CD226: variants seen among roughly 807,000 people sequenced by gnomAD.
CD226 encodes the protein CD226 antigen.
CD226 carries 24 observed loss-of-function variants against 34.9 expected under a neutral mutation model. The observed-to-expected ratio is 0.69, with a 90% CI of 0.50 to 0.97. CD226 has a LOEUF of 0.97. Ranked by LOEUF, CD226 falls within the 50% of genes least tolerant of loss-of-function variation. The pLI, the probability that CD226 is intolerant of heterozygous loss-of-function variation, is 0.00. For synonymous variants in CD226, 148 were observed against 147.4 expected (o/e 1.00, Z -0.03); for missense variants, 397 against 412.7 (o/e 0.96, Z 0.33).
chr18:69,881,016 T>C (rs560107206), intron 3 of CD226, among the ~76,000 whole-genome samples: 14 of 152,320 alleles, frequency 9.2e-5, no homozygotes, highest in Non-Finnish European at 2.1e-4. Flanking sequence ...TCAAAGTGAC[T>C]GAGTAAATTT....
chr18:69,871,209 T>C (rs1005729197), intron 4 of CD226, among the ~76,000 whole-genome samples: 7 of 152,232 alleles, frequency 4.6e-5, no homozygotes. Flanking sequence ...CTGCCATCTC[T>C]GCCCCCAGGA....
chr18:69,906,735 A>C (rs1356459021), intron 2 of CD226, among the ~76,000 whole-genome samples: 2 of 152,204 alleles, frequency 1.3e-5, no homozygotes, highest in Non-Finnish European at 2.9e-5. Context: ...GACGAATGGG[A>C]AGAACTGAAA....
chr18:69,875,230 C>A (rs1046443215), intron 3 of CD226, among the ~76,000 whole-genome samples: 2 of 152,296 alleles, frequency 1.3e-5, no homozygotes, highest in African/African-American at 4.8e-5. Context: ...GCTCCACTTC[C>A]CAGGTTCAAG....
intron 2 of CD226, among the ~76,000 whole-genome samples, chr18:69,938,282 C>A (rs1599025594): frequency 6.6e-6 from 1 of 152,190 alleles, no homozygotes; most frequent in Non-Finnish European, 1.5e-5. Context: ...CACCTGTTCA[C>A]TTTCCTCTCC....
chr18:69,890,689 TGTGA>T (rs1359702078), intron 3 of CD226, among the ~76,000 whole-genome samples: 1 of 152,000 alleles, frequency 6.6e-6, no homozygotes, highest in African/African-American at 2.4e-5. Context: ...AGTAGGAAAG[TGTGA>T]GTGTTTTGAG....
intron 3 of CD226, among the ~76,000 whole-genome samples, chr18:69,880,031 T>C (rs1425177687): frequency 3.3e-5 from 5 of 152,204 alleles, no homozygotes; most frequent in Non-Finnish European, 7.3e-5. Context: ...ATCTGGACAG[T>C]CGAACATGTT....
chr18:69,870,271 C>CG (rs909847027), intron 4 of CD226, among the ~76,000 whole-genome samples: 2 of 141,782 alleles, frequency 1.4e-5, no homozygotes, highest in African/African-American at 5.1e-5. Flanking sequence ...TTTGGCTCCC[C>CG]CTTTTTTTTT....
intron 3 of CD226, among the ~76,000 whole-genome samples, chr18:69,883,376 G>A (rs79458054): frequency 2.8e-4 from 42 of 152,094 alleles, no homozygotes; most frequent in Non-Finnish European, 4.9e-4. Flanking sequence ...GTGAGCGAGG[G>A]GACCAAATTC....
intron 5 of CD226, among the ~76,000 whole-genome samples, chr18:69,866,508 T>C (rs1480836502): frequency 6.6e-6 from 1 of 152,194 alleles, no homozygotes; most frequent in Non-Finnish European, 1.5e-5. Flanking sequence ...AAAAGTTCTT[T>C]GGTTGTATAA....
rs143165477 is a variant in CD226, at chr18:69,910,893, G to A, written c.383-14848C>T. Among the ~76,000 whole-genome samples the A allele has an allele frequency of 1.3e-3, 193 of 152,280 alleles. 1 individual carries two copies. The highest frequency in any genetic ancestry group is 4.3e-3 in the African/African-American group (178 of 41,546). On this transcript the variant is annotated intron_variant, in intron 2 of 5. Transcript: ENST00000582621. ...AAAGAAACACAAGACAGATGGTAGA[G>A]CAGAAGGAATGTTTTTGCAACACCA...
intron 4 of CD226, among the ~76,000 whole-genome samples, chr18:69,870,926 G>A (rs556852230): frequency 2.6e-5 from 4 of 152,284 alleles, no homozygotes; most frequent in African/African-American, 4.8e-5. Flanking sequence ...TACTAGTGAC[G>A]AGGCAGAAGG....
intron 1 of CD226, among the ~76,000 whole-genome samples, chr18:69,953,837 T>A (rs1352679273): frequency 6.6e-6 from 1 of 151,940 alleles, no homozygotes; most frequent in Non-Finnish European, 1.5e-5. Context: ...CCGACTCTAC[T>A]AAAAATACAA....
At chr18:69,938,686 T>C (rs1160547539) in intron 2 of CD226, among the ~76,000 whole-genome samples, 1 of 152,250 alleles carries the variant, frequency 6.6e-6, no homozygotes, top group Non-Finnish European at 1.5e-5. Context: ...TGCTGAAACT[T>C]ACCTCTACCT....
chr18:69,880,653 CTTTT>C (rs33978545), intron 3 of CD226, among the ~76,000 whole-genome samples: 2 of 138,318 alleles, frequency 1.4e-5, no homozygotes. Context: ...CTTAAGATTT[CTTTT>C]TTTTTTTTTT....
Position 69,921,901 on chromosome 18 carries a change from T to G in CD226, c.382+24833A>C, listed in dbSNP as rs534675690. ...TTTTTTAATTTGAATTTTTGTTTCTTTGTTTCTTTTGGTAGAAATTAAAAA... is the reference window on the plus strand; with the variant it reads ...TTTTTTAATTTGAATTTTTGTTTCTGTGTTTCTTTTGGTAGAAATTAAAAA... On this transcript the variant is annotated intron_variant, in intron 2 of 5. Coordinates refer to ENST00000582621, the MANE Select transcript of CD226 (RefSeq NM_001303618.2). 2.0e-5 allele frequency among the ~76,000 whole-genome samples: 3 copies of G among 152,316 alleles called. No homozygotes were observed. In the South Asian group the frequency reaches 6.2e-4, roughly 32 times the overall value.
chr18:69,945,952 T>A (rs1404462594), intron 2 of CD226, among the ~76,000 whole-genome samples: 4 of 151,734 alleles, frequency 2.6e-5, no homozygotes, highest in Admixed American at 1.3e-4. Context: ...TTATGCACTA[T>A]CATGAGGACA....
rs1031154770 is a variant in CD226 at position 69,858,487 on chromosome 18, G to A, written c.*5827C>T. 1 of 152,142 alleles carries A rather than the reference G, an allele frequency of 6.6e-6. No individual in the cohort carries two copies. Among genetic ancestry groups the A allele is most frequent in the African/African-American group, 2.4e-5 (1 of 41,426 alleles). The allele number at this position is 152,142 out of a possible 1,614,324, so 9.4% of individuals were successfully genotyped here. ...GAGACACTGATTTTGGAATAAGTCA[G>A]TGAATAAAAATAGGGGCTCAGGACT... On this transcript the variant is annotated 3_prime_UTR_variant, in exon 6 of 6. Coordinates refer to ENST00000582621, the MANE Select transcript of CD226 (RefSeq NM_001303618.2).
At chr18:69,936,778 A>G (rs1390461216) in intron 2 of CD226, among the ~76,000 whole-genome samples, 1 of 152,214 alleles carries the variant, frequency 6.6e-6, no homozygotes, top group Non-Finnish European at 1.5e-5. Context: ...CATCTGACTT[A>G]AGAAAATTAA....
intron 2 of CD226, among the ~76,000 whole-genome samples, chr18:69,925,429 C>A (rs1316559269): frequency 2.6e-5 from 4 of 152,198 alleles, no homozygotes; most frequent in South Asian, 4.2e-4. Context: ...AGAAAAAACT[C>A]GTTTAGATTT....
Sources: allele counts gnomAD v4.1 joint callset (sites outside exome capture counted in the v4.1 genomes callset), GRCh38; gene constraint gnomAD v4.1.1; transcripts MANE v1.5; gene names NCBI Gene and HGNC (gene_info 2026-07-23, HGNC 2026-07-21).